The following DPYSL4 variants were observed in gnomAD, a reference collection of about 807,000 sequenced individuals.
DPYSL4 encodes dihydropyrimidinase like 4.
In DPYSL4, 43 loss-of-function variants were observed where a neutral mutation model predicts 63.4. That is an observed-to-expected ratio of 0.68 (90% CI 0.53 to 0.88). The LOEUF (loss-of-function observed/expected upper bound fraction) is 0.88. Among genes scored for constraint, DPYSL4 ranks in the 40% least tolerant of loss-of-function variants. The pLI is 0.00. For synonymous variants in DPYSL4, 353 were observed against 331.7 expected, an observed-to-expected ratio of 1.06 and a Z score of -0.70; for missense variants, 733 against 819.5, an observed-to-expected ratio of 0.89 and a Z score of 1.29.
chr10:132,188,731 G>T (rs1351132807), intron 1 of DPYSL4, among the ~76,000 whole-genome samples: 1 of 152,250 alleles, frequency 6.6e-6, no homozygotes, highest in Non-Finnish European at 1.5e-5. Context: ...GGACATTTAG[G>T]AAGTCGATGG....
rs1006862707 is a variant in DPYSL4, at chr10:132,198,900, A to G, written c.740A>G (p.Asn247Ser). 1.2e-6 allele frequency: 2 copies of G among 1,612,974 alleles called. No homozygotes were observed. Among genetic ancestry groups the G allele is most frequent in the East Asian group, 4.5e-5 (2 of 44,868 alleles). Reference protein sequence around the residue: ...YRAVTIAKQANCPLYVTKVMS... With the variant: ...YRAVTIAKQASCPLYVTKVMS... ...GCTGTCACCATCGCCAAGCAGGCAA[A>G]CTGCCCGCTGTACGTCACCAAGGTG... Residue 247 changes from asparagine to serine, a missense_variant, in exon 8 of 14, where the codon AAC becomes AGC. Coordinates refer to ENST00000338492, the MANE Select transcript of DPYSL4 (RefSeq NM_006426.3).
rs762562258 is a variant in DPYSL4 at position 132,187,049 on chromosome 10, A to AC, written c.-10dup. 27 of 1,042,618 alleles carry AC rather than the reference A, an allele frequency of 2.6e-5. 1 individual carries two copies. The South Asian group carries it at 4.5e-4, about 18-fold the overall frequency. The allele number at this position is 1,042,618 out of a possible 1,614,324, so 64.6% of individuals were successfully genotyped here. ...CCCGCTTGTGCCGCCCCTACCAGAGACCCCCAGGAGCAGGATGTCCTTCCA... is the reference window on the plus strand; with the variant it reads ...CCCGCTTGTGCCGCCCCTACCAGAGACCCCCCAGGAGCAGGATGTCCTTCCA... On this transcript the variant is annotated 5_prime_UTR_variant, in exon 1 of 14. Transcript: ENST00000338492.
chr10:132,202,155 G>A (rs772125062), intron 11 of DPYSL4, 39 bp downstream of exon 11: 14 of 1,595,154 alleles, frequency 8.8e-6, no homozygotes, highest in Non-Finnish European at 1.2e-5. Flanking sequence ...TGGCCTTTGT[G>A]GGGCCGGGAC....
intron 11 of DPYSL4, 24 bp downstream of exon 11, chr10:132,202,140 A>G: frequency 6.2e-7 from 1 of 1,602,828 alleles, no homozygotes; most frequent in Non-Finnish European, 8.5e-7. Context: ...GCTGTAAGTC[A>G]GGGTTGGCCT....
intron 6 of DPYSL4, among the ~76,000 whole-genome samples, 160 bp from the exon 7 acceptor site, chr10:132,198,255 C>T (rs573041640): frequency 2.6e-5 from 4 of 152,306 alleles, no homozygotes; most frequent in African/African-American, 2.4e-5. Context: ...CTCTCCAAGC[C>T]CCTCTGCCCT....
At chr10:132,202,577 C>T (rs941027171) in intron 11 of DPYSL4, 69 bp from the exon 12 acceptor site, 26 of 1,576,250 alleles carry the variant, frequency 1.6e-5, no homozygotes, top group East Asian at 6.7e-5. Context: ...AGTGCTCCAG[C>T]GGCTCAACGG....
In DPYSL4 at chr10:132,197,049, A is replaced by G; in HGVS notation, c.569A>G (p.Asp190Gly). ...TACGAGATCTTCAGCATCATCCGGG[A>G]CCTGGGGGCCTTGGCCCAGGTGCAC... ...QMYEIFSIIR[D>G]LGALAQVHAE... Residue 190 changes from aspartate (D) to glycine (G), a missense_variant, in exon 6 of 14, where the codon GAC becomes GGC. Coordinates refer to ENST00000338492, the MANE Select transcript of DPYSL4 (RefSeq NM_006426.3). 1 of 1,588,152 alleles carries G rather than the reference A, an allele frequency of 6.3e-7. No individual in the cohort carries two copies. Among genetic ancestry groups the G allele is most frequent in the Non-Finnish European group, 8.6e-7 (1 of 1,165,668 alleles).
intron 12 of DPYSL4, 66 bp downstream of exon 12, chr10:132,202,891 C>T (rs566482235): frequency 7.2e-6 from 11 of 1,523,156 alleles, no homozygotes; most frequent in African/African-American, 5.5e-5. Flanking sequence ...AGGCCCAGAA[C>T]GCACCCCTGG....
Position 132,196,897 on chromosome 10 carries a change from A to C in DPYSL4, c.515A>C (p.Asp172Ala). 3 of 1,613,638 alleles carry C rather than the reference A, an allele frequency of 1.9e-6. No homozygotes were observed. Among genetic ancestry groups the C allele is most frequent in the Non-Finnish European group, 2.5e-6 (3 of 1,179,952 alleles). The change falls in exon 5 of 14, where the codon GAC becomes GCC. Residue 172 changes from aspartate (D) to alanine (A), a missense_variant. Transcript: ENST00000338492. ...TTCCTGGTCTTCATGGCATACAAGGACCGGTGCCAGTGCAGCGACAGCCAG... is the reference window on the plus strand; with the variant it reads ...TTCCTGGTCTTCATGGCATACAAGGCCCGGTGCCAGTGCAGCGACAGCCAG... ...NSFLVFMAYK[D>A]RCQCSDSQMY...
intron 1 of DPYSL4, among the ~76,000 whole-genome samples, chr10:132,187,982 C>T (rs895496128): frequency 3.9e-5 from 6 of 152,262 alleles, no homozygotes; most frequent in South Asian, 2.1e-4. Context: ...TGACCTCTGG[C>T]ATTAGCTCGA....
chr10:132,199,985 C>T (rs2061991166), intron 8 of DPYSL4, among the ~76,000 whole-genome samples: 1 of 152,158 alleles, frequency 6.6e-6, no homozygotes, highest in Non-Finnish European at 1.5e-5. Context: ...AGCTGGAACC[C>T]TGGTGAGGCC....
intron 1 of DPYSL4, among the ~76,000 whole-genome samples, chr10:132,188,853 G>T (rs1235143944): frequency 2.0e-5 from 3 of 152,222 alleles, no homozygotes; most frequent in Non-Finnish European, 1.5e-5. Context: ...ATACAAGAAC[G>T]ATTCTTAGCC....
chr10:132,194,709 G>GC, intron 3 of DPYSL4, 136 bp from the exon 4 acceptor site: 1 of 1,092,348 alleles, frequency 9.2e-7, no homozygotes. Context: ...TCTCTCAGGG[G>GC]CCGGTGGCCT....
chr10:132,193,353 A>T (rs897931992), intron 3 of DPYSL4, among the ~76,000 whole-genome samples: 4 of 152,272 alleles, frequency 2.6e-5, no homozygotes, highest in African/African-American at 9.6e-5. Flanking sequence ...CTATTTCTGT[A>T]GTGCTGGCTG....
intron 4 of DPYSL4, 50 bp from the exon 5 acceptor site, chr10:132,196,811 G>T (rs760503115): frequency 2.5e-6 from 4 of 1,604,266 alleles, no homozygotes; most frequent in Non-Finnish European, 3.4e-6. Flanking sequence ...AGGCTCCGTA[G>T]GTTGTCTGAC....
chr10:132,192,545 T>C, intron 2 of DPYSL4, 113 bp from the exon 3 acceptor site: 2 of 1,458,430 alleles, frequency 1.4e-6, no homozygotes, highest in Non-Finnish European at 1.8e-6. Context: ...GTGCTGGCCT[T>C]TTCCTCGGGG....
intron 3 of DPYSL4, among the ~76,000 whole-genome samples, chr10:132,193,871 G>A (rs1350669740): frequency 1.3e-5 from 2 of 152,240 alleles, no homozygotes; most frequent in Non-Finnish European, 2.9e-5. Context: ...CCAAATCACA[G>A]CTTGGTTTGG....
In DPYSL4 at chr10:132,198,852, T is replaced by G; in HGVS notation, c.692T>G (p.Val231Gly). Residue 231 changes from valine to glycine, a missense_variant and splice_region_variant, in exon 8 of 14, where the codon GTG becomes GGG. Transcript: ENST00000338492. The stretch of plus-strand genomic sequence containing the variant: ...TCATCCCTCTCATCTCGTCCCCAGG[T>G]GGAGGCTGAGGCGGTGTACCGAGCT... ...EGHVLSHPEEVEAEAVYRAVT... is the reference protein window; with the variant it reads ...EGHVLSHPEEGEAEAVYRAVT... The G allele has an allele frequency of 1.9e-6, 3 of 1,612,762 alleles. No homozygotes were observed. Among genetic ancestry groups the G allele is most frequent in the Middle Eastern group, 1.7e-4 (1 of 6,054 alleles).
chr10:132,194,909 GGCGGACAGC>G lies in DPYSL4; in HGVS notation c.383_391del (p.Asp128_Ala130del). 6.2e-7 allele frequency: 1 copy of G among 1,612,662 alleles called. No individual in the cohort carries two copies. Among genetic ancestry groups the G allele is most frequent in the Non-Finnish European group, 8.5e-7 (1 of 1,179,944 alleles). On this transcript the variant is annotated inframe_deletion, in exon 4 of 14. Transcript: ENST00000338492. ...CGGCCTACGAGCAGTGGCGGGAGCG[GGCGGACAGC>G]GCGGCCTGCTGCGACTACTCCCTGC... is the stretch of plus-strand genomic sequence containing the variant.
Sources: gnomAD v4.1 joint callset for allele counts (sites outside exome capture counted in the v4.1 genomes callset) on GRCh38, gnomAD v4.1.1 for gene constraint, MANE v1.5 for transcripts, NCBI Gene and HGNC (gene_info 2026-07-23, HGNC 2026-07-21) for gene names.